Variants in KIF4A observed in about 807,000 individuals in gnomAD.
KIF4A encodes the protein kinesin family member 4A.
In KIF4A, 7 loss-of-function variants were observed where a neutral mutation model predicts 105.9. That is an observed-to-expected ratio of 0.07 (90% CI 0.04 to 0.12). The LOEUF (loss-of-function observed/expected upper bound fraction) is 0.12. KIF4A is among the 10% of genes least tolerant of loss of function. The pLI is 1.00. For synonymous variants in KIF4A, 281 were observed against 331.3 expected (o/e 0.85, Z 1.65); for missense variants, 558 against 929.2 (o/e 0.60, Z 5.19).
rs1164285317 is a variant in KIF4A at position 70,395,769 on chromosome X, T to C, written c.2331T>C (p.Asp777=). ...AAGATAGAAAGATCCTGGCTCAAGA[T>C]GTGGCTCAACTCAAAGAAAAAAAGG... ...LLEDRKILAQ[D]VAQLKEKKES... The change falls in exon 21 of 31, where the codon GAT becomes GAC. Residue 777 remains aspartate (D), a synonymous_variant. Coordinates refer to ENST00000374403, the MANE Select transcript of KIF4A (RefSeq NM_012310.5). 1.7e-6 allele frequency: 2 copies of C among 1,209,680 alleles called. No homozygotes were observed. The highest frequency in any genetic ancestry group is 2.2e-6 in the Non-Finnish European group (2 of 895,248).
At chrX:70,371,904 G>A (rs1197305881) in intron 15 of KIF4A, among the ~76,000 whole-genome samples, 11 of 102,337 alleles carry the variant, frequency 1.1e-4, no homozygotes, top group South Asian at 4.9e-4. Context: ...GTTGCCAGGC[G>A]GAGGGTCTCC....
At chrX:70,352,312 C>A (rs2086034162) in intron 13 of KIF4A, among the ~76,000 whole-genome samples, 1 of 111,654 alleles carries the variant, frequency 9.0e-6, no homozygotes, top group South Asian at 3.8e-4. Flanking sequence ...AAATGTTTCA[C>A]TCTGGCCCAA....
At position 70,350,242 on chromosome X, in the gene KIF4A, C is replaced by T. The variant is rs192712751; in HGVS notation, c.1432-2358C>T. On this transcript the variant is annotated intron_variant, in intron 13 of 30. Transcript: ENST00000374403. ...GACTCCGTCTGCAATCCCAGCACCT[C>T]GGGAGGCCGAGGCGGGCAGATCACT... 6.3e-3 allele frequency among the ~76,000 whole-genome samples: 695 copies of T among 111,125 alleles called. 6 individuals carry two copies. Among genetic ancestry groups the T allele is most frequent in the African/African-American group, 0.021 (650 of 30,548 alleles).
chrX:70,312,963 C>T (rs1401016054), intron 7 of KIF4A, among the ~76,000 whole-genome samples: 1 of 111,667 alleles, frequency 9.0e-6, no homozygotes, highest in Non-Finnish European at 1.9e-5. Context: ...GAAATTTGGC[C>T]TATACTTATT....
At chrX:70,292,935 A>C (rs766592894) in intron 3 of KIF4A, among the ~76,000 whole-genome samples, 1 of 112,426 alleles carries the variant, frequency 8.9e-6, no homozygotes, top group East Asian at 2.8e-4. Context: ...AACAAAGTCA[A>C]TATTTTTTAT....
intron 1 of KIF4A, 137 bp from the exon 2 acceptor site, chrX:70,290,301 A>C: frequency 1.3e-6 from 1 of 753,062 alleles, no homozygotes. Flanking sequence ...CGGGCGGTCC[A>C]GCCCTGGCCA....
At chrX:70,330,714 G>C (rs1251791701) in intron 9 of KIF4A, among the ~76,000 whole-genome samples, 4 of 111,884 alleles carry the variant, frequency 3.6e-5, no homozygotes, top group Non-Finnish European at 7.5e-5. Context: ...CATTCTAGCA[G>C]GTATAGAGAA....
chrX:70,309,241 C>G (rs941444727), intron 7 of KIF4A, among the ~76,000 whole-genome samples: 1 of 112,294 alleles, frequency 8.9e-6, no homozygotes, highest in Non-Finnish European at 1.9e-5. Context: ...ATACTACTGA[C>G]AATATTGGAT....
At chrX:70,348,544 T>G (rs973618102) in intron 13 of KIF4A, among the ~76,000 whole-genome samples, 1 of 110,209 alleles carries the variant, frequency 9.1e-6, no homozygotes, top group African/African-American at 3.3e-5. Flanking sequence ...GATTAGGGAG[T>G]GATGATGACT....
At chrX:70,380,263 G>A (rs186383465) in intron 18 of KIF4A, among the ~76,000 whole-genome samples, 157 of 110,218 alleles carry the variant, frequency 1.4e-3, no homozygotes, top group Admixed American at 2.6e-3. Context: ...AGCCAAGACC[G>A]TGCCACTGCA....
chrX:70,362,847 A>C (rs2147711257), intron 15 of KIF4A, among the ~76,000 whole-genome samples: 1 of 112,337 alleles, frequency 8.9e-6, no homozygotes, highest in Non-Finnish European at 1.9e-5. Context: ...TAAATTCTTA[A>C]TATAATCAAT....
chrX:70,372,515 C>T (rs1018714302), intron 15 of KIF4A, among the ~76,000 whole-genome samples: 25 of 114,178 alleles, frequency 2.2e-4, no homozygotes, highest in East Asian at 8.2e-4. Context: ...TGGTGGCGCG[C>T]GCCTGCAATC....
At chrX:70,338,840 C>T (rs2085961066) in intron 10 of KIF4A, among the ~76,000 whole-genome samples, 1 of 111,448 alleles carries the variant, frequency 9.0e-6, no homozygotes, top group African/African-American at 3.3e-5. Context: ...AACCCCAGCA[C>T]TTTGGGAGGC....
At chrX:70,342,610 C>T (rs2085976587) in intron 11 of KIF4A, among the ~76,000 whole-genome samples, 2 of 112,189 alleles carry the variant, frequency 1.8e-5, no homozygotes, top group South Asian at 7.4e-4. Context: ...TATAATTGAA[C>T]CTCTGTAATG....
intron 5 of KIF4A, among the ~76,000 whole-genome samples, chrX:70,301,188 G>T (rs1466798392): frequency 1.8e-5 from 2 of 111,603 alleles, no homozygotes; most frequent in Non-Finnish European, 3.8e-5. Flanking sequence ...GGAGGAAGAT[G>T]AATTTGGTTT....
chrX:70,359,550 G>A (rs1438577910), intron 15 of KIF4A, among the ~76,000 whole-genome samples: 1 of 107,024 alleles, frequency 9.3e-6, no homozygotes, highest in Non-Finnish European at 1.9e-5. Context: ...TCTGGGGCAC[G>A]TACAGCAGCA....
intron 18 of KIF4A, among the ~76,000 whole-genome samples, chrX:70,382,880 A>C (rs1450257143): frequency 9.0e-6 from 1 of 110,917 alleles, no homozygotes; most frequent in Non-Finnish European, 1.9e-5. Context: ...TCTTATATCC[A>C]AGATAGATAA....
At chrX:70,384,955 A>C (rs1461007592) in intron 18 of KIF4A, among the ~76,000 whole-genome samples, 4 of 107,265 alleles carry the variant, frequency 3.7e-5, no homozygotes, top group African/African-American at 1.4e-4. Flanking sequence ...GCATGCCACC[A>C]TGCCTGGCAA....
chrX:70,331,894 T>C (rs2085932410), intron 9 of KIF4A, among the ~76,000 whole-genome samples: 1 of 112,263 alleles, frequency 8.9e-6, no homozygotes, highest in Admixed American at 9.5e-5. Flanking sequence ...GGTACTGCAG[T>C]AGTCTAAGCG....
Sources: allele counts gnomAD v4.1 joint callset (sites outside exome capture counted in the v4.1 genomes callset), GRCh38; gene constraint gnomAD v4.1.1; transcripts MANE v1.5; gene names NCBI Gene and HGNC (gene_info 2026-07-23, HGNC 2026-07-21).